The following DNAAF4 variants were observed in gnomAD, a reference collection of about 807,000 sequenced individuals.
The protein encoded by DNAAF4 is dynein axonemal assembly factor 4.
In DNAAF4, 43 loss-of-function variants were observed where a neutral mutation model predicts 51.8. The observed-to-expected ratio is 0.83, with a 90% CI of 0.65 to 1.07. The LOEUF is 1.07. Among genes scored for constraint, DNAAF4 ranks in the 50% least tolerant of loss-of-function variants. DNAAF4 has a pLI of 0.00. For missense variants in DNAAF4, 581 were observed against 493.0 expected (o/e 1.18, Z -1.69); for synonymous variants, 194 against 165.6 (o/e 1.17, Z -1.32).
chr15:55,434,752 A>G (rs2057580694), intron 8 of DNAAF4, among the ~76,000 whole-genome samples, 153 bp downstream of exon 8: 1 of 152,148 alleles, frequency 6.6e-6, no homozygotes. Context: ...ATTAGTAAAA[A>G]ATCAGTTAAA....
At position 55,435,075 on chromosome 15, in the gene DNAAF4, A is replaced by C; in HGVS notation, c.894-17T>G. 1 of 1,569,558 alleles carries C rather than the reference A, an allele frequency of 6.4e-7. No homozygotes were observed. Among genetic ancestry groups the C allele is most frequent in the South Asian group, 1.2e-5 (1 of 83,684 alleles). Reference sequence around the variant, plus strand: ...AACAATTTGCTAATGAGACAAAAACAGAGAAGAAAAACAATTTAACATTGA... The same window carrying C: ...AACAATTTGCTAATGAGACAAAAACCGAGAAGAAAAACAATTTAACATTGA... On this transcript the variant is annotated splice_polypyrimidine_tract_variant and intron_variant, in intron 7 of 9. Transcript: ENST00000321149.
chr15:55,493,932 G>A (rs2058605881), intron 3 of DNAAF4, among the ~76,000 whole-genome samples: 1 of 150,694 alleles, frequency 6.6e-6, no homozygotes, highest in Non-Finnish European at 1.5e-5. Context: ...TTGAATTCCT[G>A]GGCTCAAATG....
At chr15:55,443,131 C>G in intron 6 of DNAAF4, 1 of 1,610,630 alleles carries the variant, frequency 6.2e-7, no homozygotes, top group Non-Finnish European at 8.5e-7. Flanking sequence ...TGAAGGCAAA[C>G]GTTTCCAGGA....
chr15:55,496,163 G>A (rs1322245960), intron 3 of DNAAF4, among the ~76,000 whole-genome samples: 4 of 152,114 alleles, frequency 2.6e-5, no homozygotes, highest in Admixed American at 6.6e-5. Flanking sequence ...CTAGGGAGGC[G>A]GAGGTTGCAG....
At position 55,483,839 on chromosome 15, in the gene DNAAF4, T is replaced by A. The variant is rs12908618; in HGVS notation, c.405+7284A>T. ...TCACACCCAGCCAATAAAGCTTTTT[T>A]TTTTTTTTTTTTTTTTTTTTTTTTT... is the stretch of plus-strand genomic sequence containing the variant. On this transcript the variant is annotated intron_variant, in intron 4 of 9. Coordinates refer to ENST00000321149, the MANE Select transcript of DNAAF4 (RefSeq NM_130810.4). Among the ~76,000 whole-genome samples, 10 of 37,970 alleles carry A rather than the reference T, an allele frequency of 2.6e-4. 1 individual carries two copies. Among genetic ancestry groups the A allele is most frequent in the African/African-American group, 1.2e-3 (8 of 6,468 alleles). 24.9% of individuals were successfully genotyped at this position (37,970 alleles called of 152,430 possible). A position where few individuals can be genotyped will look rare whatever the true frequency, so the allele number is the denominator to read the frequency against.
chr15:55,430,263 G>T, downstream of DNAAF4: 1 of 511,694 alleles, frequency 2.0e-6, no homozygotes, highest in Middle Eastern at 9.9e-4. Context: ...TTATACCAAA[G>T]TCAACCATTC....
At chr15:55,443,090 C>G in intron 6 of DNAAF4, 1 of 1,610,646 alleles carries the variant, frequency 6.2e-7, no homozygotes, top group Non-Finnish European at 8.5e-7. Context: ...GTTTTAAAGT[C>G]TTGAATCCTT....
chr15:55,489,875 GT>G (rs869277272), intron 4 of DNAAF4, among the ~76,000 whole-genome samples: 126 of 137,768 alleles, frequency 9.1e-4, no homozygotes, highest in Admixed American at 1.8e-3. Flanking sequence ...GAGATAAGAA[GT>G]TTTTTTTTTT....
At chr15:55,497,632 G>C in intron 3 of DNAAF4, 80 bp downstream of exon 3, 2 of 1,493,560 alleles carry the variant, frequency 1.3e-6, no homozygotes, top group South Asian at 2.8e-5. Flanking sequence ...CACAATATAG[G>C]TGCTTCAAAA....
chr15:55,435,777 C>T (rs1485654032), intron 7 of DNAAF4, among the ~76,000 whole-genome samples: 1 of 151,966 alleles, frequency 6.6e-6, no homozygotes, highest in African/African-American at 2.4e-5. Flanking sequence ...AATGCAAAGT[C>T]TTTGCTTTTT....
At chr15:55,482,990 G>C (rs763045325) in intron 4 of DNAAF4, among the ~76,000 whole-genome samples, 6 of 152,216 alleles carry the variant, frequency 3.9e-5, no homozygotes, top group Non-Finnish European at 8.8e-5. Flanking sequence ...AATGTCTAGA[G>C]TAAACAAATC....
intron 6 of DNAAF4, chr15:55,443,160 C>A (rs1256628344): frequency 6.8e-6 from 11 of 1,610,554 alleles, no homozygotes; most frequent in Non-Finnish European, 8.5e-6. Flanking sequence ...CACATTTCTT[C>A]ATAAACTGGT....
intron 5 of DNAAF4, among the ~76,000 whole-genome samples, chr15:55,462,633 A>C (rs2058109662): frequency 6.8e-6 from 1 of 147,822 alleles, no homozygotes; most frequent in South Asian, 2.1e-4. Context: ...GGACATAACA[A>C]AAAAAAAAAA....
intron 1 of DNAAF4, among the ~76,000 whole-genome samples, chr15:55,501,597 G>C (rs970232871): frequency 6.6e-6 from 1 of 150,788 alleles, no homozygotes; most frequent in Non-Finnish European, 1.5e-5. Context: ...GGATGGTCTC[G>C]ATCTCCTGAC....
In DNAAF4 at chr15:55,499,577, C is replaced by T. The variant is rs1269181060; in HGVS notation, c.-255-993G>A. Among the ~76,000 whole-genome samples, 5 of 152,168 alleles carry T rather than the reference C, an allele frequency of 3.3e-5. 1 individual carries two copies. The highest frequency in any genetic ancestry group is 2.6e-4 in the Admixed American group (4 of 15,264). On this transcript the variant is annotated intron_variant, in intron 1 of 9. Transcript: ENST00000321149. ...GTTTGTTCACAACACATACCAGGAGCTTGTCTAAAACTATTGTATCCTGCA... is the reference window on the plus strand; with the variant it reads ...GTTTGTTCACAACACATACCAGGAGTTTGTCTAAAACTATTGTATCCTGCA...
rs1159354162 is a variant in DNAAF4 at position 55,473,219 on chromosome 15, A to ATG, written c.406-6059_406-6058insCA. Among the ~76,000 whole-genome samples, 471 of 113,482 alleles carry ATG rather than the reference A, an allele frequency of 4.2e-3. 18 individuals are homozygous for ATG. Among genetic ancestry groups the ATG allele is most frequent in the Middle Eastern group, 0.029 (6 of 208 alleles). 74.4% of individuals were successfully genotyped at this position (113,482 alleles called of 152,430 possible). On this transcript the variant is annotated intron_variant, in intron 4 of 9. Coordinates refer to ENST00000321149, the MANE Select transcript of DNAAF4 (RefSeq NM_130810.4). ...AAAAAATATATATATATATATATAT[A>ATG]TATGTGTGTGTGTATATATATATAT...
At chr15:55,477,275 A>T (rs2058348421) in intron 4 of DNAAF4, among the ~76,000 whole-genome samples, 1 of 152,204 alleles carries the variant, frequency 6.6e-6, no homozygotes, top group Admixed American at 6.5e-5. Flanking sequence ...GGTAAGTTGT[A>T]TGTTAGTTAT....
intron 7 of DNAAF4, among the ~76,000 whole-genome samples, chr15:55,421,018 G>C (rs963699143): frequency 6.6e-6 from 1 of 151,578 alleles, no homozygotes; most frequent in African/African-American, 2.4e-5. Context: ...ACAAAACCCC[G>C]TCTCTACTAA....
At chr15:55,422,847 A>C (rs187145303) in intron 7 of DNAAF4, among the ~76,000 whole-genome samples, 1 of 152,186 alleles carries the variant, frequency 6.6e-6, no homozygotes, top group Admixed American at 6.6e-5. Context: ...AAATACAAAA[A>C]TTAGCCAGGT....
Sources: gnomAD v4.1 joint callset for allele counts (sites outside exome capture counted in the v4.1 genomes callset) on GRCh38, gnomAD v4.1.1 for gene constraint, MANE v1.5 for transcripts, NCBI Gene and HGNC (gene_info 2026-07-23, HGNC 2026-07-21) for gene names.